FBXO38: variants seen among roughly 807,000 people sequenced by gnomAD.
FBXO38 encodes the protein F-box only protein 38.
Under a neutral mutation model 131.9 loss-of-function variants are expected in FBXO38, and 53 were observed. The observed-to-expected ratio is 0.40, with a 90% confidence interval of 0.32 to 0.51. FBXO38 has a LOEUF of 0.51. FBXO38 is among the 20% of genes least tolerant of loss of function. The probability of loss-of-function intolerance (pLI) is 0.53; values close to 1 mark genes in which losing one functional copy is unlikely to be tolerated. For synonymous variants in FBXO38, 452 were observed against 505.6 expected, an observed-to-expected ratio of 0.89 and a Z score of 1.42; for missense variants, 1,076 against 1,475.6, an observed-to-expected ratio of 0.73 and a Z score of 4.44.
intron 12 of FBXO38, among the ~76,000 whole-genome samples, chr5:148,423,388 G>T (rs1285462093): frequency 1.3e-5 from 2 of 152,122 alleles, no homozygotes; most frequent in Admixed American, 1.3e-4. Flanking sequence ...AAATAAATAA[G>T]AAAATGTTTC....
rs368618335 is a variant in FBXO38, at chr5:148,383,989, C to T, written c.-114C>T. 2.6e-5 allele frequency: 4 copies of T among 152,768 alleles called. No homozygotes were observed. Among genetic ancestry groups the T allele is most frequent in the Admixed American group, 2.0e-4 (3 of 15,292 alleles). The allele number at this position is 152,768 out of a possible 1,614,324, so 9.5% of individuals were successfully genotyped here. A position where few individuals can be genotyped will look rare whatever the true frequency, so the allele number is the denominator to read the frequency against. ...TCAGCGGTAGGGGCCGGGGAAGTGT[C>T]TGTAGCGTCCCTCCCTCTCAACCAC... is the stretch of plus-strand genomic sequence containing the variant. On this transcript the variant is annotated 5_prime_UTR_variant, in exon 1 of 22. Coordinates refer to ENST00000340253, the MANE Select transcript of FBXO38 (RefSeq NM_205836.3).
Position 148,427,388 on chromosome 5 carries a change from G to C in FBXO38, c.2094G>C (p.Lys698Asn). The change falls in exon 15 of 22, where the codon AAG becomes AAC. Residue 698 changes from lysine (K) to asparagine (N), a missense_variant. Physicochemically the swap from Lys to Asn is moderately conservative, Grantham distance 94. Coordinates refer to ENST00000340253, the MANE Select transcript of FBXO38 (RefSeq NM_205836.3). ...ARDIPEKKKN[K>N]DVYPSCSSTT... is the part of the protein sequence containing the mutation. The stretch of plus-strand genomic sequence containing the variant: ...ATATTCCTGAAAAGAAAAAAAACAA[G>C]GATGTTTATCCCAGCTGCAGCAGCA... 1.9e-6 allele frequency: 3 copies of C among 1,614,124 alleles called. No homozygotes were observed. Among genetic ancestry groups the C allele is most frequent in the South Asian group, 1.1e-5 (1 of 91,084 alleles).
intron 12 of FBXO38, 113 bp from the exon 13 acceptor site, chr5:148,423,885 C>A: frequency 1.2e-6 from 1 of 854,634 alleles, no homozygotes; most frequent in Non-Finnish European, 1.8e-6. Context: ...TCTTTCAGGG[C>A]AGGCCTAGTA....
At position 148,424,067 on chromosome 5, in the gene FBXO38, C is replaced by A. The variant is rs779538575; in HGVS notation, c.1688C>A (p.Pro563Gln). 2.0e-5 allele frequency: 32 copies of A among 1,613,614 alleles called. No homozygotes were observed. The Middle Eastern group carries it at 6.6e-4, about 33-fold the overall frequency. The change falls in exon 13 of 22, where the codon CCA becomes CAA. Residue 563 changes from proline to glutamine, a missense_variant. This residue lies in a region of FBXO38 where 212 missense variants were observed against 221.2 expected (regional missense o/e 0.96). Coordinates refer to ENST00000340253, the MANE Select transcript of FBXO38 (RefSeq NM_205836.3). ...EVVAESGNNT[P>Q]AHSQAIIPVD... ...GTGGCCGAGAGTGGAAATAATACTCCAGCTCACAGCCAGGCAATTATTCCT... is the reference window on the plus strand; with the variant it reads ...GTGGCCGAGAGTGGAAATAATACTCAAGCTCACAGCCAGGCAATTATTCCT...
intron 1 of FBXO38, among the ~76,000 whole-genome samples, chr5:148,385,718 A>G (rs934570567): frequency 3.9e-5 from 6 of 152,188 alleles, no homozygotes; most frequent in East Asian, 3.8e-4. Context: ...TGGTCAGTAG[A>G]TACACAAGAT....
chr5:148,414,888 AC>A (rs1313528692), intron 10 of FBXO38, among the ~76,000 whole-genome samples: 1 of 152,150 alleles, frequency 6.6e-6, no homozygotes, highest in Non-Finnish European at 1.5e-5. Flanking sequence ...CTTCTTAGAT[AC>A]CGAAATTTAC....
At position 148,414,201 on chromosome 5, in the gene FBXO38, A is replaced by C; in HGVS notation, c.1159A>C (p.Ile387Leu). 2 of 1,612,920 alleles carry C rather than the reference A, an allele frequency of 1.2e-6. No individual in the cohort carries two copies. The highest frequency in any genetic ancestry group is 1.7e-6 in the Non-Finnish European group (2 of 1,179,524). The change falls in exon 10 of 22, where the codon ATC becomes CTC. Residue 387 changes from isoleucine (I) to leucine (L), a missense_variant. Ile to Leu is a conservative substitution (Grantham distance 5, BLOSUM62 2). Around this residue, in one of 8 missense-constraint regions of FBXO38, gnomAD observed 146 missense variants for 274.3 expected, o/e 0.53. Transcript: ENST00000340253. ...LADVVENPGI[I>L]TDIGMKAVNE... ...TGATGTGGTAGAAAATCCTGGTATC[A>C]TCACTGATATAGGGATGAAAGCAGT...
At chr5:148,435,626 C>T (rs933170544) in intron 17 of FBXO38, among the ~76,000 whole-genome samples, 5 of 152,012 alleles carry the variant, frequency 3.3e-5, no homozygotes, top group African/African-American at 4.8e-5. Flanking sequence ...AAAAATTAGC[C>T]GGGCATGGTG....
In FBXO38 at chr5:148,415,938, A is replaced by G. The variant is rs1753027554; in HGVS notation, c.1275A>G (p.Arg425=). 6.2e-7 allele frequency: 1 copy of G among 1,613,598 alleles called. No individual in the cohort carries two copies. ...NPYNWISDHS[R]WTRLVDINLV... is the part of the protein sequence containing the mutation. ...TCATTTCTTTAACAGACCACTCAAG[A>G]TGGACTCGATTGGTTGATATCAACC... The change falls in exon 11 of 22, where the codon AGA becomes AGG. Residue 425 remains arginine, a synonymous_variant. Coordinates refer to ENST00000340253, the MANE Select transcript of FBXO38 (RefSeq NM_205836.3).
chr5:148,427,420 C>G lies in FBXO38; in HGVS notation c.2126C>G (p.Ala709Gly), dbSNP rs776182581. 100 of 1,614,088 alleles carry G rather than the reference C, an allele frequency of 6.2e-5. No individual in the cohort carries two copies. The highest frequency in any genetic ancestry group is 1.4e-5 in the Non-Finnish European group (16 of 1,180,044). Residue 709 changes from alanine (A) to glycine (G), a missense_variant, in exon 15 of 22, where the codon GCC becomes GGC. Transcript: ENST00000340253. ...TATCCCAGCTGCAGCAGCACCACCG[C>G]CAGCACAGTGGGAAACTCCAGCTCA... is the stretch of plus-strand genomic sequence containing the variant. ...DVYPSCSSTT[A>G]STVGNSSSHN... is the part of the protein sequence containing the mutation.
chr5:148,392,647 T>A (rs1384739688), intron 1 of FBXO38, among the ~76,000 whole-genome samples: 1 of 150,138 alleles, frequency 6.7e-6, no homozygotes, highest in Non-Finnish European at 1.5e-5. Context: ...TCCTTGGGAA[T>A]GAGTACAATT....
At chr5:148,430,500 T>G (rs1753983312) in intron 15 of FBXO38, 1 of 151,786 alleles carries the variant, frequency 6.6e-6, no homozygotes, top group Admixed American at 6.6e-5. Flanking sequence ...CTGGCTAATT[T>G]TTGTATTTTT....
chr5:148,388,928 A>G (rs902128757), intron 1 of FBXO38, among the ~76,000 whole-genome samples: 7 of 152,204 alleles, frequency 4.6e-5, no homozygotes, highest in Non-Finnish European at 1.0e-4. Context: ...TGACTTCCTC[A>G]CTAAGGTTAG....
At chr5:148,429,349 C>G (rs1216263180) in intron 15 of FBXO38, among the ~76,000 whole-genome samples, 1 of 147,538 alleles carries the variant, frequency 6.8e-6, no homozygotes. Context: ...TTTTTTTATT[C>G]CAAACTATCA....
rs10476893 is a variant in FBXO38 at position 148,394,045 on chromosome 5, A to G, written c.-63-669A>G. 9.0e-3 allele frequency among the ~76,000 whole-genome samples: 1,377 copies of G among 152,268 alleles called. 20 individuals are homozygous for G. The highest frequency in any genetic ancestry group is 0.032 in the African/African-American group (1,314 of 41,552). On this transcript the variant is annotated intron_variant, in intron 1 of 21. Coordinates refer to ENST00000340253, the MANE Select transcript of FBXO38 (RefSeq NM_205836.3). ...AAAAACAAAATATGCATGTGATGCA[A>G]AAGTGAAATACCATGTCAATATTCA...
chr5:148,424,674 A>G (rs566235563), intron 13 of FBXO38, among the ~76,000 whole-genome samples: 1 of 152,304 alleles, frequency 6.6e-6, no homozygotes, highest in Non-Finnish European at 1.5e-5. Context: ...TAATCAAGGG[A>G]CAGAATTGAA....
intron 6 of FBXO38, among the ~76,000 whole-genome samples, chr5:148,405,026 A>C (rs1752363195): frequency 6.6e-6 from 1 of 151,976 alleles, no homozygotes; most frequent in African/African-American, 2.4e-5. Flanking sequence ...CAAAAAAAAA[A>C]AAACAAAACT....
chr5:148,427,610 C>T lies in FBXO38; in HGVS notation c.2316C>T (p.Val772=), dbSNP rs1377071517. ...AMEEGDAESS[V]CPRCCCHRPQ... is the part of the protein sequence containing the mutation. ...AGGAGGGAGATGCAGAGAGTTCTGTCTGCCCCAGATGCTGCTGTCACAGGC... is the reference window on the plus strand; with the variant it reads ...AGGAGGGAGATGCAGAGAGTTCTGTTTGCCCCAGATGCTGCTGTCACAGGC... Residue 772 remains valine, a synonymous_variant, in exon 15 of 22, where the codon GTC becomes GTT. Transcript: ENST00000340253. 1 of 1,614,204 alleles carries T rather than the reference C, an allele frequency of 6.2e-7. No individual in the cohort carries two copies. The highest frequency in any genetic ancestry group is 1.3e-5 in the African/African-American group (1 of 75,060).
chr5:148,406,671 G>T (rs1027131494), intron 7 of FBXO38, among the ~76,000 whole-genome samples: 2 of 152,040 alleles, frequency 1.3e-5, no homozygotes, highest in African/African-American at 4.8e-5. Context: ...CTCCTCTTAT[G>T]TATGGAATCT....
Sources: gnomAD v4.1 joint callset for allele counts (sites outside exome capture counted in the v4.1 genomes callset) on GRCh38, gnomAD v4.1.1 for gene constraint, gnomAD v4.1.1 regional missense constraint, MANE v1.5 for transcripts, NCBI Gene and HGNC (gene_info 2026-07-23, HGNC 2026-07-21) for gene names.